ANO5: variants seen among roughly 807,000 people sequenced by gnomAD.
ANO5 encodes anoctamin-5.
ANO5 carries 109 observed loss-of-function variants against 121.0 expected under a neutral mutation model. The ratio of observed to expected loss-of-function variants is 0.90; its 90% CI spans 0.77 to 1.06. ANO5 has a LOEUF of 1.06. ANO5 is among the 50% of genes least tolerant of loss of function. ANO5 has a pLI of 0.00. For synonymous variants in ANO5, 406 were observed against 359.9 expected, an observed-to-expected ratio of 1.13 and a Z score of -1.45; for missense variants, 1,064 against 1,078.5, an observed-to-expected ratio of 0.99 and a Z score of 0.19.
Position 22,193,128 on chromosome 11 carries a change from A to T in ANO5, c.-365A>T. The T allele has an allele frequency of 9.1e-7, 1 of 1,096,926 alleles. No homozygotes were observed. The highest frequency in any genetic ancestry group is 1.7e-5 in the African/African-American group (1 of 59,954). The allele number at this position is 1,096,926 out of a possible 1,614,324, so 67.9% of individuals were successfully genotyped here. On this transcript the variant is annotated 5_prime_UTR_variant, in exon 1 of 22. Coordinates refer to ENST00000324559, the MANE Select transcript of ANO5 (RefSeq NM_213599.3). ...CACCGGGAGGAGTGGCGGCTGCGGG[A>T]TCAGCTGCCGAGCAGGCACAGGGAC...
intron 5 of ANO5, 100 bp downstream of exon 5, chr11:22,221,310 C>G (rs1432595027): frequency 6.7e-6 from 7 of 1,043,416 alleles, no homozygotes; most frequent in African/African-American, 1.6e-5. Context: ...GTGAGAGGCC[C>G]TGAAGTGTTA....
intron 6 of ANO5, among the ~76,000 whole-genome samples, chr11:22,226,453 A>G (rs1253184485): frequency 6.6e-6 from 1 of 152,116 alleles, no homozygotes; most frequent in Non-Finnish European, 1.5e-5. Flanking sequence ...TTTTAAAGTC[A>G]TTTTATTTAC....
chr11:22,217,209 G>A (rs75121932), intron 3 of ANO5, among the ~76,000 whole-genome samples: 1 of 151,936 alleles, frequency 6.6e-6, no homozygotes, highest in Non-Finnish European at 1.5e-5. Flanking sequence ...TTAAGTAATT[G>A]TATTGGATTA....
intron 1 of ANO5, among the ~76,000 whole-genome samples, chr11:22,198,798 T>C (rs1851883640): frequency 6.6e-6 from 1 of 152,216 alleles, no homozygotes; most frequent in Non-Finnish European, 1.5e-5. Context: ...CTATCATATC[T>C]TGAGACACAA....
Position 22,237,566 on chromosome 11 carries a change from T to G in ANO5, c.762+1290T>G, listed in dbSNP as rs549655388. ...CCATCATGCCTGGCTAATTTTTGTA[T>G]TTTTAGTAGAGACGGGGTTTTGCTA... On this transcript the variant is annotated intron_variant, in intron 8 of 21. Coordinates refer to ENST00000324559, the MANE Select transcript of ANO5 (RefSeq NM_213599.3). 7.2e-5 allele frequency among the ~76,000 whole-genome samples: 11 copies of G among 152,162 alleles called. No individual in the cohort carries two copies. In the East Asian group the frequency reaches 2.1e-3, roughly 30 times the overall value.
At chr11:22,248,499 A>G (rs770655399) in intron 9 of ANO5, among the ~76,000 whole-genome samples, 1 of 152,034 alleles carries the variant, frequency 6.6e-6, no homozygotes, top group Non-Finnish European at 1.5e-5. Flanking sequence ...CCATATTGCA[A>G]ATCTAAGAAA....
intron 12 of ANO5, among the ~76,000 whole-genome samples, chr11:22,251,414 A>G (rs78030107): frequency 0.05 from 7,685 of 152,212 alleles, 649 homozygotes; most frequent in African/African-American, 0.17. Flanking sequence ...AACATTTTTG[A>G]GTATAAATTG....
chr11:22,228,918 G>A (rs994079057), intron 7 of ANO5, among the ~76,000 whole-genome samples: 2 of 151,762 alleles, frequency 1.3e-5, no homozygotes, highest in Non-Finnish European at 1.5e-5. Flanking sequence ...CTTGGGTATC[G>A]TGAATAGTGC....
chr11:22,246,871 A>C (rs1490180768), intron 9 of ANO5, among the ~76,000 whole-genome samples: 5 of 150,248 alleles, frequency 3.3e-5, no homozygotes, highest in Non-Finnish European at 7.4e-5. Context: ...AAAAAAAAAA[A>C]AAAAAAAAGC....
At chr11:22,255,589 T>C in intron 13 of ANO5, 67 bp downstream of exon 13, 2 of 1,568,122 alleles carry the variant, frequency 1.3e-6, no homozygotes, top group Non-Finnish European at 1.8e-6. Context: ...TTTCTTCTCA[T>C]ATAATCATAG....
intron 3 of ANO5, among the ~76,000 whole-genome samples, chr11:22,217,717 G>A (rs1852494792): frequency 6.6e-6 from 1 of 151,708 alleles, no homozygotes; most frequent in Non-Finnish European, 1.5e-5. Flanking sequence ...CTGATAAGTG[G>A]GAGATAAATG....
rs148034679 is a variant in ANO5 at position 22,222,528 on chromosome 11, C to G, written c.294+1318C>G. Among the ~76,000 whole-genome samples the G allele has an allele frequency of 2.0e-4, 31 of 152,020 alleles. No homozygotes were observed. In the East Asian group the frequency reaches 4.7e-3, roughly 23 times the overall value. On this transcript the variant is annotated intron_variant, in intron 5 of 21. Coordinates refer to ENST00000324559, the MANE Select transcript of ANO5 (RefSeq NM_213599.3). ...ACCTCAAATCTTTCTGATCCACATT[C>G]TTCCTCTTTCAACCTCACCAGGACC...
chr11:22,274,757 T>G lies in ANO5; in HGVS notation c.2414+10T>G. ...ACTTCATCACTTGCAGGTGATTTGT[T>G]TGTTTGTTTGTTTAGGTTTTAGTTT... is the stretch of plus-strand genomic sequence containing the variant. On this transcript the variant is annotated intron_variant, in intron 20 of 21. Transcript: ENST00000324559. The G allele has an allele frequency of 6.2e-7, 1 of 1,612,526 alleles. No homozygotes were observed. Among genetic ancestry groups the G allele is most frequent in the Admixed American group, 1.7e-5 (1 of 59,948 alleles).
chr11:22,252,298 C>T (rs1564937433), intron 12 of ANO5, among the ~76,000 whole-genome samples: 1 of 152,102 alleles, frequency 6.6e-6, no homozygotes, highest in South Asian at 2.1e-4. Context: ...AATCCTACCT[C>T]TCATTACTTG....
intron 1 of ANO5, among the ~76,000 whole-genome samples, chr11:22,198,018 G>T (rs1306684478): frequency 2.6e-5 from 4 of 152,186 alleles, no homozygotes; most frequent in Non-Finnish European, 5.9e-5. Flanking sequence ...AAGTGTCTGA[G>T]TCTATGGTCT....
intron 7 of ANO5, among the ~76,000 whole-genome samples, chr11:22,229,404 G>C (rs1852958796): frequency 6.6e-6 from 1 of 151,436 alleles, no homozygotes; most frequent in Non-Finnish European, 1.5e-5. Flanking sequence ...AACTAAAAAT[G>C]TTCTTCCTTT....
At chr11:22,231,833 G>A (rs10833725) in intron 7 of ANO5, among the ~76,000 whole-genome samples, 8,321 of 151,946 alleles carry the variant, frequency 0.055, 784 homozygotes, top group African/African-American at 0.19. Context: ...GGGAGTACTT[G>A]GTTTTCCACC....
chr11:22,233,935 G>A (rs1453647506), intron 7 of ANO5, among the ~76,000 whole-genome samples: 12 of 152,016 alleles, frequency 7.9e-5, no homozygotes, highest in Admixed American at 5.3e-4. Context: ...CACTTCCACC[G>A]CTTGGTAGCC....
At chr11:22,224,715 G>T (rs551935556) in intron 5 of ANO5, among the ~76,000 whole-genome samples, 1 of 151,974 alleles carries the variant, frequency 6.6e-6, no homozygotes, top group African/African-American at 2.4e-5. Context: ...TAGACCACTG[G>T]GATTAAATCA....
Sources: allele counts gnomAD v4.1 joint callset (sites outside exome capture counted in the v4.1 genomes callset), GRCh38; gene constraint gnomAD v4.1.1; transcripts MANE v1.5; gene names NCBI Gene and HGNC (gene_info 2026-07-23, HGNC 2026-07-21).